The following FLII variants were observed in gnomAD, a reference collection of about 807,000 sequenced individuals.
FLII encodes FLII actin remodeling protein, also known as protein flightless-1 homolog.
In FLII, 101 loss-of-function variants were observed where a neutral mutation model predicts 156.2. The ratio of observed to expected loss-of-function variants is 0.65; its 90% confidence interval spans 0.55 to 0.76. FLII has a LOEUF of 0.76. FLII is among the 30% of genes least tolerant of loss of function. The probability of loss-of-function intolerance (pLI) is 0.00; values close to 1 mark genes in which losing one functional copy is unlikely to be tolerated. For missense variants in FLII, 1,675 were observed against 1,682.8 expected, an observed-to-expected ratio of 1.00 and a Z score of 0.08; for synonymous variants, 767 against 685.8, an observed-to-expected ratio of 1.12 and a Z score of -1.85.
Position 18,256,908 on chromosome 17 carries a change from C to T in FLII, c.174+1G>A, listed in dbSNP as rs1597925749. On this transcript the variant is annotated splice_donor_variant, in intron 2 of 29. Transcript: ENST00000327031. LOFTEE classifies it high-confidence loss of function. ...TCCCCTGCCCGCCCAAACCCCCTTA[C>T]CAGCTTCTGCAGGGCGGCCAGCTCC... The T allele has an allele frequency of 6.2e-7, 1 of 1,601,536 alleles. No individual in the cohort carries two copies. Among genetic ancestry groups the T allele is most frequent in the Non-Finnish European group, 8.5e-7 (1 of 1,173,004 alleles).
rs754347542 is a variant in FLII, at chr17:18,247,968, C to T, written c.2256G>A (p.Lys752=). The T allele has an allele frequency of 3.1e-6, 5 of 1,614,070 alleles. No individual in the cohort carries two copies. The African/African-American group carries it at 4.0e-5, about 13-fold the overall frequency. The change falls in exon 19 of 30, where the codon AAG becomes AAA. Residue 752 remains lysine (K), a synonymous_variant. Transcript: ENST00000327031. ...GCATCAGCTCCACCTTGGGACGCTG[C>T]TTATGTTCCACGGAGAGCTTGTAGT... ...QINYKLSVEH[K]QRPKVELMPR...
chr17:18,249,846 C>T (rs2048205931), intron 14 of FLII, among the ~76,000 whole-genome samples: 1 of 150,860 alleles, frequency 6.6e-6, no homozygotes, highest in African/African-American at 2.4e-5. Context: ...TGGCTGGGCA[C>T]GGTGGCTCAT....
chr17:18,254,097 C>T lies in FLII; in HGVS notation c.661G>A (p.Gly221Ser). The change falls in exon 7 of 30, where the codon GGT becomes AGT. Residue 221 changes from glycine (G) to serine (S), a missense_variant. Physicochemically the swap from Gly to Ser is moderately conservative, Grantham distance 56. This residue lies in a region of FLII where 343 missense variants were observed against 413.5 expected (regional missense o/e 0.83). Transcript: ENST00000327031. Reference sequence around the variant, plus strand: ...GCCTGACCTGCGAGGTTGCTCAGACCCTCCAGGCTGGTGGGCAGGTTGCTC... The same window carrying T: ...GCCTGACCTGCGAGGTTGCTCAGACTCTCCAGGCTGGTGGGCAGGTTGCTC... ...TQSNLPTSLE[G>S]LSNLADVDLS... 1 of 1,609,882 alleles carries T rather than the reference C, an allele frequency of 6.2e-7. No individual in the cohort carries two copies.
chr17:18,249,474 C>T lies in FLII; in HGVS notation c.1777-66G>A, dbSNP rs1003324261. 6 of 1,242,362 alleles carry T rather than the reference C, an allele frequency of 4.8e-6. No homozygotes were observed. The East Asian group carries it at 1.4e-4, about 29-fold the overall frequency. The allele number at this position is 1,242,362 out of a possible 1,614,324, so 77.0% of individuals were successfully genotyped here. ...CCCTCCCCCACCAACCACTGCCCCT[C>T]AGGTGGGGGTACAGAGTTGCATACA... On this transcript the variant is annotated intron_variant, in intron 14 of 29. Coordinates refer to ENST00000327031, the MANE Select transcript of FLII (RefSeq NM_002018.4).
intron 9 of FLII, 65 bp from the exon 10 acceptor site, chr17:18,252,621 C>T: frequency 7.4e-7 from 1 of 1,345,636 alleles, no homozygotes; most frequent in Non-Finnish European, 1.1e-6. Context: ...GGCAAGAAAA[C>T]CCCTAGTCCT....
chr17:18,255,244 T>C lies in FLII; in HGVS notation c.266A>G (p.Asn89Ser). 6.2e-7 allele frequency: 1 copy of C among 1,614,000 alleles called. No homozygotes were observed. The highest frequency in any genetic ancestry group is 8.5e-7 in the Non-Finnish European group (1 of 1,179,898). Residue 89 changes from asparagine (N) to serine (S), a missense_variant, in exon 4 of 30, where the codon AAC (asparagine) becomes AGC (serine). Asn to Ser is a conservative substitution (Grantham distance 46). Around this residue, in one of 2 missense-constraint regions of FLII, gnomAD observed 343 missense variants for 413.5 expected, o/e 0.83. Coordinates refer to ENST00000327031, the MANE Select transcript of FLII (RefSeq NM_002018.4). ...PSLRAIVARANSLKNSGVPDD... is the reference protein window; with the variant it reads ...PSLRAIVARASSLKNSGVPDD... ...GGGGACTCCGGAATTCTTCAGACTG[T>C]TGGCTCGGGCCACGATGGCCTGGGA...
intron 4 of FLII, 102 bp downstream of exon 4, chr17:18,255,081 C>G: frequency 9.5e-7 from 1 of 1,053,952 alleles, no homozygotes; most frequent in East Asian, 2.4e-5. Context: ...TCAGTTTTCC[C>G]ATCTGCAAAA....
At chr17:18,249,227 G>A (rs1567710425) in intron 15 of FLII, 26 bp from the exon 16 acceptor site, 1 of 1,613,746 alleles carries the variant, frequency 6.2e-7, no homozygotes, top group Non-Finnish European at 8.5e-7. Flanking sequence ...GAGTGGCTCA[G>A]TGTAGGCACC....
chr17:18,251,954 C>T (rs762418045), intron 11 of FLII, 45 bp downstream of exon 11: 11 of 1,605,266 alleles, frequency 6.9e-6, no homozygotes, highest in Non-Finnish European at 9.4e-6. Context: ...CATTTGAGGC[C>T]TGGAGAGGAG....
At chr17:18,245,900 C>CTG in intron 26 of FLII, 34 bp downstream of exon 26, 1 of 1,614,010 alleles carries the variant, frequency 6.2e-7, no homozygotes, top group Non-Finnish European at 8.5e-7. Flanking sequence ...CCTGGCTCCT[C>CTG]TGTGTGTGCC....
chr17:18,247,430 G>C, intron 20 of FLII, 73 bp from the exon 21 acceptor site: 2 of 1,428,170 alleles, frequency 1.4e-6, no homozygotes, highest in South Asian at 1.3e-5. Flanking sequence ...CCCGAGGCTT[G>C]AGGCGGGACC....
At position 18,246,928 on chromosome 17, in the gene FLII, T is replaced by G; in HGVS notation, c.2801A>C (p.Tyr934Ser). The G allele has an allele frequency of 6.2e-7, 1 of 1,614,174 alleles. No individual in the cohort carries two copies. Among genetic ancestry groups the G allele is most frequent in the Non-Finnish European group, 8.5e-7 (1 of 1,180,014 alleles). ...EFGHFYTQDC[Y>S]VFLCRYWVPV... Reference sequence around the variant, plus strand: ...GAGGTGGTACCTGCAGAGGAAGACGTAGCAGTCCTGCGTGTAGAAGTGGCC... The same window carrying G: ...GAGGTGGTACCTGCAGAGGAAGACGGAGCAGTCCTGCGTGTAGAAGTGGCC... The change falls in exon 22 of 30, where the codon TAC (tyrosine) becomes TCC (serine). Residue 934 changes from tyrosine (Y) to serine (S), a missense_variant. Physicochemically the swap from Tyr to Ser is moderately radical, Grantham distance 144. Around this residue, in one of 2 missense-constraint regions of FLII, gnomAD observed 1,332 missense variants for 1,269.3 expected, o/e 1.05. Coordinates refer to ENST00000327031, the MANE Select transcript of FLII (RefSeq NM_002018.4).
chr17:18,256,652 C>T, intron 2 of FLII, 55 bp from the exon 3 acceptor site: 1 of 1,454,210 alleles, frequency 6.9e-7, no homozygotes, highest in Admixed American at 2.0e-5. Flanking sequence ...GTCCAGAGTC[C>T]CTGCCTGCCT....
upstream of FLII, chr17:18,258,806 C>G: frequency 1.7e-6 from 1 of 588,340 alleles, no homozygotes; most frequent in Non-Finnish European, 2.4e-6. The surrounding 1 kb of genome is among the most constrained non-coding windows in gnomAD (Gnocchi z 4.2). Context: ...CCCGCGCCCG[C>G]CGCATTCCGC....
In FLII at chr17:18,258,422, C is replaced by T. The variant is rs1349775932; in HGVS notation, c.63+206G>A. On this transcript the variant is annotated intron_variant, in intron 1 of 29. Coordinates refer to ENST00000327031, the MANE Select transcript of FLII (RefSeq NM_002018.4). The surrounding 1 kb of genome is among the most constrained non-coding windows in gnomAD (Gnocchi z 4.2). ...CCGAGCCCAAGCGTCCGTCCCCGGC[C>T]TGCCCAGCCTCGGTCTCCCCGTACA... The T allele has an allele frequency of 2.8e-6, 4 of 1,445,656 alleles. No individual in the cohort carries two copies. Among genetic ancestry groups the T allele is most frequent in the Non-Finnish European group, 3.7e-6 (4 of 1,082,774 alleles). 89.6% of individuals were successfully genotyped at this position (1,445,656 alleles called of 1,614,324 possible).
At position 18,246,833 on chromosome 17, in the gene FLII, C is replaced by T; in HGVS notation, c.2817-5G>A. The T allele has an allele frequency of 1.2e-6, 2 of 1,613,992 alleles. No individual in the cohort carries two copies. The highest frequency in any genetic ancestry group is 1.7e-6 in the Non-Finnish European group (2 of 1,179,924). On this transcript the variant is annotated splice_polypyrimidine_tract_variant and splice_region_variant and intron_variant, in intron 22 of 29. Coordinates refer to ENST00000327031, the MANE Select transcript of FLII (RefSeq NM_002018.4). ...TACTCCACAGGCACCCAGTACCTGC[C>T]GGGTTGGAAGGTTGTGAGCAGGGGC...
Position 18,248,622 on chromosome 17 carries a change from C to CTCTG in FLII, c.2117_2118insCAGA (p.Gly707ArgfsTer7). On this transcript the variant is annotated frameshift_variant, in exon 18 of 30. Coordinates refer to ENST00000327031, the MANE Select transcript of FLII (RefSeq NM_002018.4). LOFTEE classifies it high-confidence loss of function. Reference sequence around the variant, plus strand: ...TCTTGATCTCAGAGGGCTCCCCACCCAGTGCCTCCCAGAACTCTGGGAGCT... The same window carrying CTCTG: ...TCTTGATCTCAGAGGGCTCCCCACCCTCTGAGTGCCTCCCAGAACTCTGGGAGCT... The CTCTG allele has an allele frequency of 1.9e-6, 3 of 1,613,910 alleles. No individual in the cohort carries two copies. Among genetic ancestry groups the CTCTG allele is most frequent in the Non-Finnish European group, 2.5e-6 (3 of 1,179,962 alleles).
chr17:18,257,052 C>T (rs769942992), intron 1 of FLII, 33 bp from the exon 2 acceptor site: 3 of 1,422,724 alleles, frequency 2.1e-6, no homozygotes, highest in East Asian at 2.4e-5. Context: ...AAGCACAGAG[C>T]CCCTGCTCAC....
In FLII at chr17:18,248,552, T is replaced by C; in HGVS notation, c.2188A>G (p.Lys730Glu). The C allele has an allele frequency of 6.2e-7, 1 of 1,607,754 alleles. No individual in the cohort carries two copies. Among genetic ancestry groups the C allele is most frequent in the Non-Finnish European group, 8.5e-7 (1 of 1,177,310 alleles). ...TGGGCCTCAGCAGCAGGGCTCACCT[T>C]GTACAGCTTGGGCTGCGGCGGCCAG... ...DFWPPQPKLY[K>E]VGLGLGYLEL... is the part of the protein sequence containing the mutation. The change falls in exon 18 of 30, where the codon AAG (lysine) becomes GAG (glutamate). Residue 730 changes from lysine to glutamate, a missense_variant and splice_region_variant. Coordinates refer to ENST00000327031, the MANE Select transcript of FLII (RefSeq NM_002018.4).
Sources: allele counts gnomAD v4.1 joint callset (sites outside exome capture counted in the v4.1 genomes callset), GRCh38; gene constraint gnomAD v4.1.1; regional missense constraint gnomAD v4.1.1; non-coding constraint Gnocchi (gnomAD v3.1); transcripts MANE v1.5; gene names NCBI Gene and HGNC (gene_info 2026-07-23, HGNC 2026-07-21).